ERC1: variants seen among roughly 807,000 people sequenced by gnomAD.
ERC1 encodes ELKS/RAB6-interacting/CAST family member 1.
A neutral mutation model predicts 132.0 loss-of-function variants in ERC1; 56 were observed. The ratio of observed to expected loss-of-function variants is 0.42; its 90% CI spans 0.34 to 0.53. The LOEUF (loss-of-function observed/expected upper bound fraction) is 0.53. ERC1 is among the 20% of genes least tolerant of loss of function. The pLI, the probability that ERC1 is intolerant of heterozygous loss-of-function variation, is 0.03. For missense variants in ERC1, 1,202 were observed against 1,349.9 expected, an observed-to-expected ratio of 0.89 and a Z score of 1.72; for synonymous variants, 478 against 476.1, an observed-to-expected ratio of 1.00 and a Z score of -0.05.
intron 13 of ERC1, among the ~76,000 whole-genome samples, chr12:1,259,530 T>C (rs1208606929): frequency 1.4e-5 from 2 of 144,018 alleles, no homozygotes; most frequent in East Asian, 2.0e-4. Flanking sequence ...CTTTTTTTTT[T>C]TTTTTTTTTT....
rs80248989 is a variant in ERC1 at position 1,279,507 on chromosome 12, A to C, written c.2620-10345A>C. Among the ~76,000 whole-genome samples the C allele has an allele frequency of 1.2e-3, 185 of 152,196 alleles. 1 individual carries two copies. The highest frequency in any genetic ancestry group is 4.3e-3 in the African/African-American group (180 of 41,546). On this transcript the variant is annotated intron_variant, in intron 14 of 18. Transcript: ENST00000360905. ...CCTTTAAATTTAGGCTCGAGTTTTC[A>C]TTTTATTCAGCAAAAGGACTGTATC...
At position 1,494,109 on chromosome 12, in the gene ERC1, A is replaced by G. The variant is rs2094342077; in HGVS notation, c.*3879A>G. 8.6e-6 allele frequency: 2 copies of G among 231,988 alleles called. No individual in the cohort carries two copies. The highest frequency in any genetic ancestry group is 1.2e-4 in the East Asian group (2 of 16,384). 14.4% of individuals were successfully genotyped at this position (231,988 alleles called of 1,614,324 possible). A position where few individuals can be genotyped will look rare whatever the true frequency, so the allele number is the denominator to read the frequency against. The stretch of plus-strand genomic sequence containing the variant: ...CCAAGCAGAGAAGACCGCTGCGTGG[A>G]GTGTGACACCACATGGCATTTCTCA... On this transcript the variant is annotated 3_prime_UTR_variant, in exon 19 of 19. Coordinates refer to ENST00000360905, the MANE Select transcript of ERC1 (RefSeq NM_178040.4).
intron 7 of ERC1, among the ~76,000 whole-genome samples, chr12:1,133,047 G>A (rs1948918019): frequency 6.6e-6 from 1 of 151,752 alleles, no homozygotes; most frequent in South Asian, 2.1e-4. Flanking sequence ...TAGTAGAGAC[G>A]GGATTTCACA....
intron 16 of ERC1, among the ~76,000 whole-genome samples, chr12:1,393,577 CTTT>C (rs202050373): frequency 1.5e-5 from 2 of 130,478 alleles, no homozygotes; most frequent in South Asian, 2.5e-4. Context: ...ATCTAAAGTT[CTTT>C]TTTTTTTTTC....
chr12:1,403,619 T>C (rs2091251630), intron 16 of ERC1, among the ~76,000 whole-genome samples: 1 of 152,212 alleles, frequency 6.6e-6, no homozygotes, highest in African/African-American at 2.4e-5. Flanking sequence ...TTTTTCATTC[T>C]CTGACGTGGA....
chr12:1,447,840 G>T (rs1487884215), intron 18 of ERC1, among the ~76,000 whole-genome samples: 2 of 152,144 alleles, frequency 1.3e-5, no homozygotes, highest in African/African-American at 4.8e-5. Context: ...AGTAGAGATG[G>T]GGTTTCACCA....
chr12:1,272,938 A>C, intron 14 of ERC1, among the ~76,000 whole-genome samples: 1 of 127,534 alleles, frequency 7.8e-6, no homozygotes, highest in Non-Finnish European at 1.6e-5. Context: ...ATAGAGTGAG[A>C]CTCCGTCTAA....
At chr12:1,391,503 C>T (rs1220922821) in intron 16 of ERC1, 1 of 152,336 alleles carries the variant, frequency 6.6e-6, no homozygotes, top group Non-Finnish European at 1.5e-5. Flanking sequence ...TGTTACTGCT[C>T]CATGGAGGTG....
chr12:1,159,191 C>T (rs1436524651), intron 8 of ERC1, among the ~76,000 whole-genome samples: 3 of 152,130 alleles, frequency 2.0e-5, no homozygotes, highest in Non-Finnish European at 2.9e-5. Context: ...AGAATTGATT[C>T]CTTAGAGCCT....
intron 7 of ERC1, among the ~76,000 whole-genome samples, chr12:1,137,979 T>C (rs1253215709): frequency 7.6e-6 from 1 of 131,250 alleles, no homozygotes; most frequent in African/African-American, 2.9e-5. Context: ...TTATCATATA[T>C]AGTATATATA....
chr12:1,341,246 A>G (rs1304436648), intron 15 of ERC1, among the ~76,000 whole-genome samples: 1 of 151,372 alleles, frequency 6.6e-6, no homozygotes, highest in Admixed American at 6.6e-5. Context: ...GGCGCACGCC[A>G]CCAAGCCCGG....
intron 16 of ERC1, among the ~76,000 whole-genome samples, chr12:1,375,046 A>G (rs2087726942): frequency 6.6e-6 from 1 of 152,018 alleles, no homozygotes; most frequent in Non-Finnish European, 1.5e-5. Context: ...GTCTTAAGGG[A>G]ACTCACAGGC....
At chr12:1,135,059 G>T (rs2968898) in intron 7 of ERC1, among the ~76,000 whole-genome samples, 120,106 of 152,078 alleles carry the variant, frequency 0.79, 48,592 homozygotes, top group Non-Finnish European at 0.88. Flanking sequence ...GTGCTGAGGA[G>T]TCCTGAGACC....
Position 1,112,244 on chromosome 12 carries a change from G to A in ERC1, c.1347G>A (p.Ser449=), listed in dbSNP as rs770645489. 17 of 1,612,196 alleles carry A rather than the reference G, an allele frequency of 1.1e-5. No homozygotes were observed. Among genetic ancestry groups the A allele is most frequent in the African/African-American group, 6.7e-5 (5 of 74,892 alleles). The change falls in exon 6 of 19, where the codon TCG becomes TCA. Residue 449 remains serine (S), a synonymous_variant. Transcript: ENST00000360905. ...AACAACTGAAGGAGGAACTAAGTTC[G>A]AAAGAGGCTCAATGGGAGGAGCTGA... The part of the protein sequence containing the change: ...KVEQLKEELS[S]KEAQWEELKK...
chr12:1,119,969 G>A (rs1236129879), intron 7 of ERC1, among the ~76,000 whole-genome samples: 3 of 152,040 alleles, frequency 2.0e-5, no homozygotes, highest in Non-Finnish European at 4.4e-5. Context: ...TCTGAATATG[G>A]AGGGACATTT....
intron 13 of ERC1, among the ~76,000 whole-genome samples, chr12:1,243,194 A>AAAAAAAAAAAAAG (rs1040034985): frequency 8.0e-6 from 1 of 125,468 alleles, no homozygotes; most frequent in Non-Finnish European, 1.6e-5. Context: ...ACTCCGTCTC[A>AAAAAAAAAAAAAG]AAAAAAAAAA....
At chr12:1,408,539 T>G (rs532901127) in intron 17 of ERC1, among the ~76,000 whole-genome samples, 1 of 152,370 alleles carries the variant, frequency 6.6e-6, no homozygotes, top group East Asian at 1.9e-4. Context: ...ATGTAATTTT[T>G]AACTGTCTTT....
chr12:1,118,808 A>G (rs1208652384), intron 7 of ERC1, among the ~76,000 whole-genome samples: 1 of 152,230 alleles, frequency 6.6e-6, no homozygotes, highest in African/African-American at 2.4e-5. Context: ...CCAGACTTCG[A>G]TCTAACACTC....
intron 8 of ERC1, among the ~76,000 whole-genome samples, chr12:1,150,126 T>G (rs1450205256): frequency 2.6e-5 from 4 of 152,234 alleles, no homozygotes; most frequent in African/African-American, 9.6e-5. Flanking sequence ...TGTGTTGTCT[T>G]TAAACAGAGT....
Sources: gnomAD v4.1 joint callset for allele counts (sites outside exome capture counted in the v4.1 genomes callset) on GRCh38, gnomAD v4.1.1 for gene constraint, MANE v1.5 for transcripts, NCBI Gene and HGNC (gene_info 2026-07-23, HGNC 2026-07-21) for gene names.